The following NCOA2 variants were observed in gnomAD, a reference collection of about 807,000 sequenced individuals.
NCOA2 encodes the protein nuclear receptor coactivator 2.
A neutral mutation model predicts 145.1 loss-of-function variants in NCOA2; 21 were observed. The ratio of observed to expected loss-of-function variants is 0.14; its 90% CI spans 0.10 to 0.21. The LOEUF (loss-of-function observed/expected upper bound fraction) is 0.21, where lower values mean the gene tolerates loss of function less well. Among genes scored for constraint, NCOA2 ranks in the 10% least tolerant of loss-of-function variants. NCOA2 has a pLI of 1.00. For missense variants in NCOA2, 1,472 were observed against 1,837.6 expected (o/e 0.80, Z 3.64); for synonymous variants, 619 against 637.5 (o/e 0.97, Z 0.44).
In NCOA2 at chr8:70,363,873, T is replaced by A. The variant is rs1045711136; in HGVS notation, c.-77+39827A>T. ...TACTGTATATAAACTGATTTTTTTT[T>A]AAAGCCCTCAATTCAAGGTCAAGAA... On this transcript the variant is annotated intron_variant, in intron 1 of 22. Transcript: ENST00000452400. 5.9e-5 allele frequency among the ~76,000 whole-genome samples: 9 copies of A among 152,178 alleles called. No individual in the cohort carries two copies. In the East Asian group the frequency reaches 1.5e-3, roughly 26 times the overall value.
upstream of NCOA2, among the ~76,000 whole-genome samples, chr8:70,404,838 G>C (rs1444254946): frequency 6.6e-6 from 1 of 151,784 alleles, no homozygotes; most frequent in East Asian, 1.9e-4. Context: ...TTACGCTTTG[G>C]AAAAGCAAGT....
At chr8:70,324,353 T>G (rs1806367462) in intron 1 of NCOA2, among the ~76,000 whole-genome samples, 1 of 152,300 alleles carries the variant, frequency 6.6e-6, no homozygotes, top group Admixed American at 6.5e-5. Context: ...AGGTTTATTT[T>G]TGAGACAAGG....
chr8:70,307,154 A>G lies in NCOA2; in HGVS notation c.-76-10354T>C, dbSNP rs139382957. On this transcript the variant is annotated intron_variant, in intron 1 of 22. Coordinates refer to ENST00000452400, the MANE Select transcript of NCOA2 (RefSeq NM_006540.4). ...CAGCAGTCACAAGCACCAACTTAACAATGAGTTACCCAAAAAGGTTTCACT... is the reference window on the plus strand; with the variant it reads ...CAGCAGTCACAAGCACCAACTTAACGATGAGTTACCCAAAAAGGTTTCACT... Among the ~76,000 whole-genome samples the G allele has an allele frequency of 3.5e-3, 524 of 151,570 alleles. 2 individuals carry two copies. Among genetic ancestry groups the G allele is most frequent in the Admixed American group, 5.4e-3 (82 of 15,204 alleles).
chr8:70,175,057 C>T (rs1203038985), intron 4 of NCOA2, among the ~76,000 whole-genome samples, 198 bp from the exon 5 acceptor site: 1 of 152,228 alleles, frequency 6.6e-6, no homozygotes, highest in Non-Finnish European at 1.5e-5. Flanking sequence ...CTTTTCACCT[C>T]TAGAACCTGT....
At chr8:70,278,338 T>G (rs1354202078) in intron 2 of NCOA2, among the ~76,000 whole-genome samples, 1 of 152,232 alleles carries the variant, frequency 6.6e-6, no homozygotes, top group Admixed American at 6.5e-5. Context: ...GTTTTTATTT[T>G]GGGACTATTA....
At chr8:70,267,943 G>A (rs1007904320) in intron 2 of NCOA2, among the ~76,000 whole-genome samples, 4 of 152,096 alleles carry the variant, frequency 2.6e-5, no homozygotes, top group African/African-American at 9.7e-5. Flanking sequence ...TCACAAAATC[G>A]TTTTTCATAT....
At chr8:70,401,916 T>C (rs1010002315) in intron 1 of NCOA2, 13 of 152,296 alleles carry the variant, frequency 8.5e-5, no homozygotes, top group African/African-American at 3.1e-4. Flanking sequence ...GACTTCGTCG[T>C]GTCTAAGACA....
intron 1 of NCOA2, among the ~76,000 whole-genome samples, chr8:70,329,326 G>A (rs963437560): frequency 6.6e-6 from 1 of 151,718 alleles, no homozygotes; most frequent in Non-Finnish European, 1.5e-5. Flanking sequence ...CATGTGGATG[G>A]TCTCAAACTC....
intron 1 of NCOA2, among the ~76,000 whole-genome samples, chr8:70,312,277 A>C (rs918750507): frequency 7.2e-5 from 11 of 152,204 alleles, no homozygotes; most frequent in Non-Finnish European, 1.3e-4. Context: ...AAACAGTACA[A>C]TTTTAGGCCT....
chr8:70,216,850 T>A, intron 2 of NCOA2, 86 bp from the exon 3 acceptor site: 1 of 836,352 alleles, frequency 1.2e-6, no homozygotes, highest in Non-Finnish European at 2.0e-6. Flanking sequence ...AATAAAAGAA[T>A]TTTGACTCCA....
At chr8:70,212,394 G>A (rs768952414) in intron 4 of NCOA2, among the ~76,000 whole-genome samples, 49 of 152,238 alleles carry the variant, frequency 3.2e-4, no homozygotes, top group Non-Finnish European at 5.9e-4. Context: ...AAAGAAAGAC[G>A]AGTGATGAAG....
chr8:70,298,344 A>G (rs948443319), intron 1 of NCOA2, among the ~76,000 whole-genome samples: 6 of 152,234 alleles, frequency 3.9e-5, no homozygotes, highest in South Asian at 2.1e-4. Context: ...AGACCTGGCC[A>G]GTCTTGAACT....
At chr8:70,430,416 T>A in the NCOA2 span, among the ~76,000 whole-genome samples, 1 of 152,248 alleles carries the variant, frequency 6.6e-6, no homozygotes, top group Admixed American at 6.5e-5. Flanking sequence ...TATAAAGGGA[T>A]AATTGGCACA....
intron 2 of NCOA2, among the ~76,000 whole-genome samples, chr8:70,258,886 T>C (rs1385461744): frequency 6.6e-6 from 1 of 152,192 alleles, no homozygotes; most frequent in Non-Finnish European, 1.5e-5. Flanking sequence ...GTCACTTCTC[T>C]TTTTCTTACT....
At chr8:70,412,190 G>A in the NCOA2 span, among the ~76,000 whole-genome samples, 4 of 152,004 alleles carry the variant, frequency 2.6e-5, no homozygotes, top group African/African-American at 9.7e-5. Flanking sequence ...AGGAGGAGTA[G>A]CTTGAGCCTA....
rs147323641 is a variant in NCOA2, at chr8:70,154,200, T to A, written c.2394+1771A>T. 7.9e-5 allele frequency among the ~76,000 whole-genome samples: 12 copies of A among 152,232 alleles called. No individual in the cohort carries two copies. In the East Asian group the frequency reaches 2.3e-3, roughly 29 times the overall value. ...ATGAAATATCCTCTCGCAAAACAAA[T>A]TTCAAGGACAAACCTTGAGTCATTT... On this transcript the variant is annotated intron_variant, in intron 11 of 22. Coordinates refer to ENST00000452400, the MANE Select transcript of NCOA2 (RefSeq NM_006540.4).
At chr8:70,444,979 G>A in the NCOA2 span, among the ~76,000 whole-genome samples, 1 of 152,162 alleles carries the variant, frequency 6.6e-6, no homozygotes, top group South Asian at 2.1e-4. Flanking sequence ...TTCAGCAAAT[G>A]TGTCTACTAC....
chr8:70,113,977 A>G (rs1806803336), intron 22 of NCOA2, among the ~76,000 whole-genome samples: 2 of 152,216 alleles, frequency 1.3e-5, no homozygotes, highest in South Asian at 2.1e-4. Context: ...CCCACCTTCA[A>G]TAAAGATGAC....
intron 1 of NCOA2, among the ~76,000 whole-genome samples, chr8:70,344,903 G>A (rs1808483029): frequency 6.6e-6 from 1 of 152,170 alleles, no homozygotes; most frequent in African/African-American, 2.4e-5. Flanking sequence ...TGCCTCAAGT[G>A]GTGTTCATGT....
Sources: allele counts gnomAD v4.1 joint callset (sites outside exome capture counted in the v4.1 genomes callset), GRCh38; gene constraint gnomAD v4.1.1; transcripts MANE v1.5; gene names NCBI Gene and HGNC (gene_info 2026-07-23, HGNC 2026-07-21).